Variants in RIMS2 observed in about 807,000 individuals in gnomAD.
The protein encoded by RIMS2 is regulating synaptic membrane exocytosis protein 2.
A neutral mutation model predicts 174.4 loss-of-function variants in RIMS2; 59 were observed. The ratio of observed to expected loss-of-function variants is 0.34; its 90% confidence interval spans 0.27 to 0.42. The LOEUF is 0.42. Among genes scored for constraint, RIMS2 ranks in the 10% least tolerant of loss-of-function variants. RIMS2 has a pLI of 1.00. For synonymous variants in RIMS2, 606 were observed against 572.5 expected, an observed-to-expected ratio of 1.06 and a Z score of -0.84; for missense variants, 1,620 against 1,666.3, an observed-to-expected ratio of 0.97 and a Z score of 0.48.
At chr8:103,749,767 A>G (rs2097862981) in intron 2 of RIMS2, among the ~76,000 whole-genome samples, 1 of 152,142 alleles carries the variant, frequency 6.6e-6, no homozygotes. Context: ...AGTAGTGGGA[A>G]TAAAGGGATC....
chr8:104,056,574 C>A (rs993038379), intron 19 of RIMS2, among the ~76,000 whole-genome samples: 1 of 152,134 alleles, frequency 6.6e-6, no homozygotes, highest in Non-Finnish European at 1.5e-5. Context: ...TCTTTTCAAC[C>A]AGTGCTGTTT....
Position 103,800,620 on chromosome 8 carries a change from T to C in RIMS2, c.698+34083T>C, listed in dbSNP as rs772361019. On this transcript the variant is annotated intron_variant, in intron 3 of 23. Transcript: ENST00000504942. ...GTTTTTCCTCTTTCGTCTCTTTATA[T>C]GGTGAATTACACTGATTGTTTTCAA... Among the ~76,000 whole-genome samples the C allele has an allele frequency of 5.3e-5, 8 of 152,220 alleles. 1 individual carries two copies. Among genetic ancestry groups the C allele is most frequent in the Middle Eastern group, 3.2e-3 (1 of 316 alleles).
intron 19 of RIMS2, among the ~76,000 whole-genome samples, chr8:104,224,154 G>T (rs2099170613): frequency 6.6e-6 from 1 of 152,218 alleles, no homozygotes; most frequent in African/African-American, 2.4e-5. Context: ...TCGGCCTGGA[G>T]GACAGAAATA....
At chr8:104,223,707 C>T (rs1587779131) in intron 19 of RIMS2, 3 of 1,592,052 alleles carry the variant, frequency 1.9e-6, no homozygotes, top group Non-Finnish European at 2.6e-6. Context: ...ATGCAGCGCT[C>T]CCAGAGCCGG....
intron 19 of RIMS2, among the ~76,000 whole-genome samples, chr8:104,028,618 C>T (rs72683161): frequency 0.13 from 19,464 of 152,134 alleles, 1,700 homozygotes; most frequent in Non-Finnish European, 0.19. Context: ...CTCAGTGCCT[C>T]AATTTCACCA....
chr8:103,793,791 GACAA>G (rs1441094623), intron 3 of RIMS2, among the ~76,000 whole-genome samples: 1 of 152,090 alleles, frequency 6.6e-6, no homozygotes, highest in African/African-American at 2.4e-5. Flanking sequence ...ACCAATAACA[GACAA>G]ACAGAGAGCC....
At chr8:103,908,622 G>A (rs938898110) in intron 4 of RIMS2, among the ~76,000 whole-genome samples, 1 of 151,928 alleles carries the variant, frequency 6.6e-6, no homozygotes, top group Non-Finnish European at 1.5e-5. Context: ...CAGAAACCGG[G>A]GAGTTAACCT....
At chr8:103,729,973 A>G (rs1409193239) in intron 2 of RIMS2, among the ~76,000 whole-genome samples, 1 of 152,190 alleles carries the variant, frequency 6.6e-6, no homozygotes, top group African/African-American at 2.4e-5. Context: ...CATATGGTCT[A>G]TGCTTGAGAA....
chr8:103,959,522 A>T (rs558291339), intron 14 of RIMS2, among the ~76,000 whole-genome samples: 111 of 151,488 alleles, frequency 7.3e-4, no homozygotes, highest in African/African-American at 2.6e-3. Context: ...TCCTGCCTCA[A>T]CCTCCCTAGT....
chr8:104,111,856 C>T (rs1355169182), intron 19 of RIMS2, among the ~76,000 whole-genome samples: 1 of 152,144 alleles, frequency 6.6e-6, no homozygotes, highest in Non-Finnish European at 1.5e-5. Context: ...TCTATGTATA[C>T]ATGTGTATAT....
chr8:104,077,805 A>C (rs887655356), intron 19 of RIMS2, among the ~76,000 whole-genome samples: 1 of 151,176 alleles, frequency 6.6e-6, no homozygotes, highest in Non-Finnish European at 1.5e-5. Flanking sequence ...AGAAATTCTC[A>C]TCTATTTCTT....
chr8:103,787,668 A>T (rs1259502324), intron 3 of RIMS2, among the ~76,000 whole-genome samples: 1 of 151,980 alleles, frequency 6.6e-6, no homozygotes, highest in African/African-American at 2.4e-5. Context: ...CTTCCCTTTG[A>T]GGGTAACCCG....
chr8:103,750,421 T>G lies in RIMS2; in HGVS notation c.388-15806T>G, dbSNP rs1037069054. On this transcript the variant is annotated intron_variant, in intron 2 of 23. Coordinates refer to ENST00000504942, the Ensembl canonical transcript of RIMS2. ...CAGTTATGATGCTTAAATTACAAAA[T>G]TATAAGTCATTTCATTTTAAAATAA... 2.6e-5 allele frequency among the ~76,000 whole-genome samples: 4 copies of G among 152,140 alleles called. No homozygotes were observed. In the East Asian group the frequency reaches 5.8e-4, roughly 22 times the overall value.
At chr8:103,819,237 G>C (rs2098736184) in intron 3 of RIMS2, 1 of 1,260,790 alleles carries the variant, frequency 7.9e-7, no homozygotes, top group Admixed American at 3.7e-5. Flanking sequence ...AGCTGGGAAT[G>C]CCCAAAAAGC....
intron 1 of RIMS2, among the ~76,000 whole-genome samples, chr8:103,656,761 A>C: frequency 6.6e-6 from 1 of 152,230 alleles, no homozygotes; most frequent in Non-Finnish European, 1.5e-5. Context: ...GAGTAAGTTT[A>C]CTGGGTGAAG....
chr8:104,134,255 A>G (rs1422675920), intron 19 of RIMS2, among the ~76,000 whole-genome samples: 1 of 152,184 alleles, frequency 6.6e-6, no homozygotes, highest in Non-Finnish European at 1.5e-5. Context: ...ATTTGAGGTC[A>G]GGAGTTCAAG....
chr8:104,181,874 TC>T (rs1337370303), intron 19 of RIMS2, among the ~76,000 whole-genome samples: 2 of 151,718 alleles, frequency 1.3e-5, no homozygotes, highest in Non-Finnish European at 3.0e-5. Context: ...GCCTTTTATT[TC>T]CCCTTAAAAG....
intron 1 of RIMS2, among the ~76,000 whole-genome samples, chr8:103,639,913 A>G (rs1016995491): frequency 2.6e-5 from 4 of 151,980 alleles, no homozygotes; most frequent in South Asian, 2.1e-4. Context: ...CCATGTTTCT[A>G]TAGATCAAAT....
intron 19 of RIMS2, among the ~76,000 whole-genome samples, chr8:104,137,506 T>C (rs1425862580): frequency 3.3e-5 from 5 of 152,188 alleles, no homozygotes; most frequent in Non-Finnish European, 5.9e-5. Flanking sequence ...AATTTACCAA[T>C]GAACAAAAGA....
Sources: gnomAD v4.1 joint callset for allele counts (sites outside exome capture counted in the v4.1 genomes callset) on GRCh38, gnomAD v4.1.1 for gene constraint, MANE v1.5 for transcripts, NCBI Gene and HGNC (gene_info 2026-07-23, HGNC 2026-07-21) for gene names.